The following PTH2R variants were observed in gnomAD, a reference collection of about 807,000 sequenced individuals.
PTH2R encodes the protein PTH2 receptor.
In PTH2R, 59 loss-of-function variants were observed where a neutral mutation model predicts 60.3. The ratio of observed to expected loss-of-function variants is 0.98; its 90% confidence interval spans 0.79 to 1.22. The LOEUF (loss-of-function observed/expected upper bound fraction) is 1.22. Among genes scored for constraint, PTH2R ranks in the 50% most tolerant of loss-of-function variants. The pLI, the probability that PTH2R is intolerant of heterozygous loss-of-function variation, is 0.00. For missense variants in PTH2R, 749 were observed against 682.6 expected, an observed-to-expected ratio of 1.10 and a Z score of -1.08; for synonymous variants, 256 against 243.8, an observed-to-expected ratio of 1.05 and a Z score of -0.47.
chr2:208,388,695 T>C (rs1701053719), intron 1 of PTH2R, among the ~76,000 whole-genome samples: 1 of 152,202 alleles, frequency 6.6e-6, no homozygotes, highest in Admixed American at 6.5e-5. Context: ...CACTGTAAGG[T>C]TGAGTGGAAC....
chr2:208,412,646 C>T (rs1269568204), intron 1 of PTH2R, among the ~76,000 whole-genome samples: 3 of 152,268 alleles, frequency 2.0e-5, no homozygotes. Flanking sequence ...CTGTAGTCCA[C>T]GTTTTACTAT....
intron 1 of PTH2R, among the ~76,000 whole-genome samples, chr2:208,417,396 G>T (rs949615092): frequency 6.6e-6 from 1 of 152,068 alleles, no homozygotes; most frequent in Non-Finnish European, 1.5e-5. Flanking sequence ...TTCTCTTGGA[G>T]GCAATCTAGT....
At chr2:208,457,010 A>T (rs1337422792) in intron 8 of PTH2R, among the ~76,000 whole-genome samples, 2 of 152,224 alleles carry the variant, frequency 1.3e-5, no homozygotes, top group South Asian at 2.1e-4. Flanking sequence ...CCTGAATTGT[A>T]TAATTGAATC....
At position 208,368,516 on chromosome 2, in the gene PTH2R, TTTTTTTGTTTTTG is replaced by T. The variant is rs375371458; in HGVS notation, c.-259+8292_-259+8304del. Among the ~76,000 whole-genome samples the T allele has an allele frequency of 3.2e-3, 488 of 152,306 alleles. 7 individuals are homozygous for T. Among genetic ancestry groups the T allele is most frequent in the African/African-American group, 0.011 (477 of 41,536 alleles). On this transcript the variant is annotated intron_variant, in intron 1 of 12. Coordinates refer to the PTH2R transcript ENST00000617735. ...TGCCTCAACTAACCCTTAACTGTTT[TTTTTTTGTTTTTG>T]TTTTTTGTTTTTTGACAATTCTGGC...
chr2:208,434,049 C>T (rs1433650671), intron 2 of PTH2R, among the ~76,000 whole-genome samples: 7 of 152,190 alleles, frequency 4.6e-5, no homozygotes, highest in Non-Finnish European at 5.9e-5. Flanking sequence ...CGCAGTGGCT[C>T]GTGCCTGTAA....
At chr2:208,469,424 T>C (rs1702831088) in intron 9 of PTH2R, among the ~76,000 whole-genome samples, 1 of 152,174 alleles carries the variant, frequency 6.6e-6, no homozygotes, top group Non-Finnish European at 1.5e-5. Flanking sequence ...AGGAGTAAAA[T>C]TAGATAAATT....
chr2:208,479,029 C>T (rs549159600), intron 9 of PTH2R, among the ~76,000 whole-genome samples: 22 of 152,242 alleles, frequency 1.4e-4, no homozygotes, highest in African/African-American at 3.6e-4. Flanking sequence ...CAGCTGTTCT[C>T]GCATGTATCA....
chr2:208,483,191 C>T (rs1703197349), intron 10 of PTH2R, among the ~76,000 whole-genome samples: 1 of 152,156 alleles, frequency 6.6e-6, no homozygotes, highest in African/African-American at 2.4e-5. Flanking sequence ...TCAGCAGCTG[C>T]TAGTGCCAGT....
chr2:208,413,036 T>G (rs1246652965), intron 1 of PTH2R, among the ~76,000 whole-genome samples: 1 of 152,064 alleles, frequency 6.6e-6, no homozygotes, highest in Non-Finnish European at 1.5e-5. Context: ...TCAATCCCAC[T>G]CAGATAATAC....
At chr2:208,366,972 T>A (rs931065711) in intron 1 of PTH2R, among the ~76,000 whole-genome samples, 3 of 152,242 alleles carry the variant, frequency 2.0e-5, no homozygotes, top group Non-Finnish European at 4.4e-5. Context: ...TTTCTGTATG[T>A]CACTTTCCTT....
intron 1 of PTH2R, among the ~76,000 whole-genome samples, chr2:208,371,675 T>G (rs1700703705): frequency 1.3e-5 from 2 of 152,144 alleles, no homozygotes; most frequent in African/African-American, 4.8e-5. Flanking sequence ...TTGTTAGGGT[T>G]GCAGTACCTT....
At chr2:208,453,934 T>A (rs73066507) in intron 8 of PTH2R, among the ~76,000 whole-genome samples, 2,234 of 152,276 alleles carry the variant, frequency 0.015, 48 homozygotes, top group African/African-American at 0.048. Context: ...GCCCGATCAT[T>A]ATATATAAAC....
intron 9 of PTH2R, among the ~76,000 whole-genome samples, chr2:208,477,081 A>G (rs187072423): frequency 2.0e-4 from 31 of 152,328 alleles, no homozygotes. Context: ...TAGAGCACGC[A>G]TATCTCATTT....
chr2:208,365,938 ATATATATATATATATATATATAT>A (rs1700572829), intron 1 of PTH2R, among the ~76,000 whole-genome samples: 2 of 10,536 alleles, frequency 1.9e-4, no homozygotes, highest in Admixed American at 1.3e-3. Context: ...AAATATATAT[ATATATATATATATATATATATAT>A]TTTTTTTTTT....
chr2:208,396,296 C>G (rs1236640308), intron 1 of PTH2R, among the ~76,000 whole-genome samples: 1 of 152,064 alleles, frequency 6.6e-6, no homozygotes, highest in Non-Finnish European at 1.5e-5. Flanking sequence ...GCAACAAAAG[C>G]CAAAATTGAC....
intron 1 of PTH2R, among the ~76,000 whole-genome samples, chr2:208,418,300 A>G (rs1264671260): frequency 6.6e-6 from 1 of 152,146 alleles, no homozygotes; most frequent in Non-Finnish European, 1.5e-5. Context: ...GGAATGTCTC[A>G]TATTTTCAGG....
chr2:208,481,219 C>CTTTT, intron 10 of PTH2R, 55 bp downstream of exon 10: 19 of 835,076 alleles, frequency 2.3e-5, no homozygotes, highest in South Asian at 5.3e-5. Flanking sequence ...TATTTCTTTC[C>CTTTT]TTTTTTTTTT....
intron 6 of PTH2R, 144 bp downstream of exon 6, chr2:208,443,681 T>A: frequency 1.6e-6 from 1 of 628,892 alleles, no homozygotes; most frequent in Non-Finnish European, 2.5e-6. Context: ...ATAGTGATGT[T>A]TTCTCCCTCA....
At chr2:208,382,322 T>C (rs1199577024) in intron 1 of PTH2R, among the ~76,000 whole-genome samples, 3 of 152,106 alleles carry the variant, frequency 2.0e-5, no homozygotes, top group South Asian at 4.1e-4. Flanking sequence ...TGGGTAAATA[T>C]ACGGGAGTGG....
Sources: gnomAD v4.1 joint callset for allele counts (sites outside exome capture counted in the v4.1 genomes callset) on GRCh38, gnomAD v4.1.1 for gene constraint, MANE v1.5 for transcripts, NCBI Gene and HGNC (gene_info 2026-07-23, HGNC 2026-07-21) for gene names.